Variants in TEX11 observed in about 807,000 individuals in gnomAD.
TEX11 encodes testis expressed 11.
In TEX11, 7 loss-of-function variants were observed where a neutral mutation model predicts 84.4. That is an observed-to-expected ratio of 0.08 (90% CI 0.05 to 0.16). TEX11 has a LOEUF of 0.16. Ranked by LOEUF, TEX11 falls within the 10% of genes least tolerant of loss-of-function variation. The pLI is 1.00. For synonymous variants in TEX11, 264 were observed against 222.8 expected, an observed-to-expected ratio of 1.18 and a Z score of -1.64; for missense variants, 551 against 660.5, an observed-to-expected ratio of 0.83 and a Z score of 1.82.
chrX:70,731,226 G>A (rs1448164953), intron 11 of TEX11, among the ~76,000 whole-genome samples: 2 of 111,253 alleles, frequency 1.8e-5, no homozygotes, highest in African/African-American at 3.3e-5. Context: ...TGACACCCTA[G>A]CATCACAATT....
intron 8 of TEX11, among the ~76,000 whole-genome samples, chrX:70,812,259 C>G (rs1039720489): frequency 1.8e-5 from 2 of 108,443 alleles, no homozygotes; most frequent in African/African-American, 6.7e-5. Context: ...GGCTAGATTA[C>G]AGTGGCGCAC....
chrX:70,757,745 T>C (rs747482198), intron 9 of TEX11, among the ~76,000 whole-genome samples: 47 of 111,655 alleles, frequency 4.2e-4, no homozygotes, highest in Non-Finnish European at 7.0e-4. Context: ...AACATCATAA[T>C]GACAGGATCA....
chrX:70,847,983 T>C (rs773854126), intron 7 of TEX11, among the ~76,000 whole-genome samples: 20 of 112,063 alleles, frequency 1.8e-4, no homozygotes, highest in Non-Finnish European at 3.6e-4. Context: ...GCATAAATGA[T>C]TGCTTCCTTT....
intron 2 of TEX11, among the ~76,000 whole-genome samples, chrX:70,887,757 G>A (rs190355058): frequency 1.2e-3 from 137 of 112,473 alleles, no homozygotes; most frequent in African/African-American, 4.1e-3. Flanking sequence ...TGGTTACAAA[G>A]GTGGTTACAG....
At chrX:70,580,951 T>TAATA (rs2088764263) in intron 25 of TEX11, among the ~76,000 whole-genome samples, 1 of 30,739 alleles carries the variant, frequency 3.3e-5, no homozygotes, top group South Asian at 2.5e-3. Flanking sequence ...AAATTTTAAT[T>TAATA]AATATAGACT....
chrX:70,824,329 C>T (rs759400816), intron 8 of TEX11, among the ~76,000 whole-genome samples: 1 of 112,224 alleles, frequency 8.9e-6, no homozygotes, highest in East Asian at 2.8e-4. Flanking sequence ...CTACTTCTGG[C>T]TTGAATTGCT....
chrX:70,536,538 C>T (rs942685930), intron 28 of TEX11, among the ~76,000 whole-genome samples: 3 of 96,247 alleles, frequency 3.1e-5, no homozygotes, highest in East Asian at 3.5e-4. Flanking sequence ...AAAATAAGGA[C>T]GTAACTTTGC....
At chrX:70,585,702 C>T (rs1004504169) in intron 25 of TEX11, among the ~76,000 whole-genome samples, 6 of 112,131 alleles carry the variant, frequency 5.4e-5, no homozygotes, top group African/African-American at 1.9e-4. Flanking sequence ...TAAACCCATA[C>T]ATCTATGGCT....
intron 2 of TEX11, among the ~76,000 whole-genome samples, chrX:70,890,475 C>A (rs1298204265): frequency 8.9e-6 from 1 of 112,111 alleles, no homozygotes; most frequent in Non-Finnish European, 1.9e-5. Flanking sequence ...ACAGACGGTA[C>A]CTGGAAAAAC....
intron 9 of TEX11, among the ~76,000 whole-genome samples, chrX:70,750,785 G>T (rs1347935378): frequency 3.0e-5 from 3 of 101,187 alleles, no homozygotes; most frequent in Non-Finnish European, 4.0e-5. Context: ...GTGGGGGTAG[G>T]GGGGAGGGAT....
chrX:70,798,030 G>GT (rs976208939), intron 9 of TEX11, among the ~76,000 whole-genome samples: 1 of 102,653 alleles, frequency 9.7e-6, no homozygotes, highest in South Asian at 4.7e-4. Flanking sequence ...AAGATGAGGG[G>GT]GGGGGAAAGG....
intron 12 of TEX11, 64 bp from the exon 13 acceptor site, chrX:70,722,760 A>G (rs2090570278): frequency 2.2e-6 from 2 of 891,358 alleles, no homozygotes; most frequent in East Asian, 3.3e-5. Flanking sequence ...GTTATTTTCA[A>G]TAATTTTCCT....
chrX:70,701,493 G>C (rs910022451), intron 13 of TEX11, among the ~76,000 whole-genome samples: 3 of 111,962 alleles, frequency 2.7e-5, no homozygotes, highest in Admixed American at 9.5e-5. Context: ...AAAGATTACT[G>C]CTCGTTGACA....
At chrX:70,699,479 C>T (rs754130592) in intron 13 of TEX11, among the ~76,000 whole-genome samples, 3 of 111,789 alleles carry the variant, frequency 2.7e-5, no homozygotes, top group South Asian at 3.8e-4. Context: ...CGCGGCTAGC[C>T]GGAACACTCA....
chrX:70,826,376 G>T (rs761674960), intron 8 of TEX11, among the ~76,000 whole-genome samples: 1 of 110,504 alleles, frequency 9.0e-6, no homozygotes, highest in African/African-American at 3.3e-5. Context: ...TGCATTGTTT[G>T]TACCCTCCAC....
chrX:70,818,252 C>A (rs893831193), intron 8 of TEX11, among the ~76,000 whole-genome samples: 2 of 109,426 alleles, frequency 1.8e-5, no homozygotes, highest in Non-Finnish European at 3.8e-5. Flanking sequence ...CAGTGAGCCG[C>A]TTTTGCACCA....
rs191757366 is a variant in TEX11, at chrX:70,575,625, G to A, written c.2140+16126C>T. On this transcript the variant is annotated intron_variant, in intron 25 of 29. Transcript: ENST00000374333. ...AACTGAACCTTCTGGATCCTTGACCGTAGACTTCCCAGCCTCCAGAAATGT... is the reference window on the plus strand; with the variant it reads ...AACTGAACCTTCTGGATCCTTGACCATAGACTTCCCAGCCTCCAGAAATGT... Among the ~76,000 whole-genome samples, 14 of 111,450 alleles carry A rather than the reference G, an allele frequency of 1.3e-4. No individual in the cohort carries two copies. In the East Asian group the frequency reaches 3.1e-3, roughly 25 times the overall value.
intron 25 of TEX11, among the ~76,000 whole-genome samples, chrX:70,570,725 T>A (rs1456363286): frequency 9.0e-6 from 1 of 111,317 alleles, no homozygotes; most frequent in African/African-American, 3.3e-5. Context: ...TTGTACTTGA[T>A]CTTAGCCAAA....
Position 70,897,679 on chromosome X carries a change from A to C in TEX11, c.37+10074T>G, listed in dbSNP as rs5936600. ...AGGAAGGAAGGAAAACAAAGAAAGA[A>C]AAAGAAAGAAAGAAAGAAAGAAAGA... On this transcript the variant is annotated intron_variant, in intron 2 of 29. Coordinates refer to ENST00000374333, the MANE Select transcript of TEX11 (RefSeq NM_031276.3). 3.7e-4 allele frequency: 28 copies of C among 75,712 alleles called. No homozygotes were observed. The East Asian group carries it at 4.5e-3, about 12-fold the overall frequency. 6.2% of individuals were successfully genotyped at this position (75,712 alleles called of 1,213,427 possible).
Sources: allele counts gnomAD v4.1 joint callset (sites outside exome capture counted in the v4.1 genomes callset), GRCh38; gene constraint gnomAD v4.1.1; transcripts MANE v1.5; gene names NCBI Gene and HGNC (gene_info 2026-07-23, HGNC 2026-07-21).